The following DNAJC1 variants were observed in gnomAD, a reference collection of about 807,000 sequenced individuals.
The protein encoded by DNAJC1 is DnaJ heat shock protein family (Hsp40) member C1.
Under a neutral mutation model 76.6 loss-of-function variants are expected in DNAJC1, and 58 were observed. The ratio of observed to expected loss-of-function variants is 0.76; its 90% CI spans 0.61 to 0.94. The LOEUF is 0.94. Ranked by LOEUF, DNAJC1 falls within the 40% of genes least tolerant of loss-of-function variation. DNAJC1 has a pLI of 0.00. For missense variants in DNAJC1, 689 were observed against 677.3 expected (o/e 1.02, Z -0.19); for synonymous variants, 258 against 267.9 (o/e 0.96, Z 0.36).
intron 1 of DNAJC1, among the ~76,000 whole-genome samples, chr10:21,996,010 T>C (rs1290766620): frequency 6.6e-6 from 1 of 152,216 alleles, no homozygotes; most frequent in Non-Finnish European, 1.5e-5. Flanking sequence ...TATTTTTACA[T>C]TCATTAGTAT....
At chr10:21,995,037 G>A (rs2131850435) in intron 1 of DNAJC1, among the ~76,000 whole-genome samples, 1 of 151,254 alleles carries the variant, frequency 6.6e-6, no homozygotes, top group South Asian at 2.1e-4. Flanking sequence ...AACCTAAATA[G>A]TAATCTTATC....
At chr10:21,868,988 A>C (rs1836055842) in intron 8 of DNAJC1, among the ~76,000 whole-genome samples, 1 of 152,108 alleles carries the variant, frequency 6.6e-6, no homozygotes, top group African/African-American at 2.4e-5. Context: ...CAGGGCTTAA[A>C]GGAAATCAAA....
At chr10:21,814,202 A>C (rs1005336012) in intron 8 of DNAJC1, among the ~76,000 whole-genome samples, 1 of 152,154 alleles carries the variant, frequency 6.6e-6, no homozygotes, top group African/African-American at 2.4e-5. Context: ...TTTACTGTCT[A>C]TTAATAAGGA....
At chr10:21,975,908 G>GT (rs1287848877) in intron 1 of DNAJC1, among the ~76,000 whole-genome samples, 9 of 152,136 alleles carry the variant, frequency 5.9e-5, no homozygotes, top group South Asian at 4.2e-4. Flanking sequence ...TGGCCTAAAG[G>GT]TTTTTTTAAA....
chr10:21,978,593 T>C (rs766884743), intron 1 of DNAJC1, among the ~76,000 whole-genome samples: 1 of 152,108 alleles, frequency 6.6e-6, no homozygotes, highest in African/African-American at 2.4e-5. Context: ...ATTTCCTGTA[T>C]GTAAAAGGCA....
At chr10:21,813,231 T>TATATATATATATATACAC (rs1564794902) in intron 8 of DNAJC1, among the ~76,000 whole-genome samples, 3 of 131,868 alleles carry the variant, frequency 2.3e-5, no homozygotes, top group African/African-American at 9.3e-5. Flanking sequence ...TATATATATA[T>TATATATATATATATACAC]ATATATATAT....
At chr10:21,885,216 C>T (rs534514144) in intron 7 of DNAJC1, among the ~76,000 whole-genome samples, 3 of 151,586 alleles carry the variant, frequency 2.0e-5, no homozygotes, top group African/African-American at 7.2e-5. Context: ...GGGTTGCAAT[C>T]CTAATTTAAA....
chr10:21,991,826 G>T (rs891870217), intron 1 of DNAJC1, among the ~76,000 whole-genome samples: 1 of 152,112 alleles, frequency 6.6e-6, no homozygotes, highest in African/African-American at 2.4e-5. Context: ...TGAGTTACTG[G>T]AAAGTTTTGC....
At chr10:21,947,715 G>T (rs1348732351) in intron 1 of DNAJC1, among the ~76,000 whole-genome samples, 4 of 152,056 alleles carry the variant, frequency 2.6e-5, no homozygotes, top group Non-Finnish European at 5.9e-5. Flanking sequence ...ATTTGATACT[G>T]CATATCTTTT....
intron 1 of DNAJC1, among the ~76,000 whole-genome samples, chr10:21,964,514 A>G (rs1837855734): frequency 6.6e-6 from 1 of 152,150 alleles, no homozygotes; most frequent in Non-Finnish European, 1.5e-5. Context: ...GCCCAGATTC[A>G]AAATTTTAAT....
At chr10:21,800,975 T>C (rs1483467443) in intron 9 of DNAJC1, among the ~76,000 whole-genome samples, 1 of 152,110 alleles carries the variant, frequency 6.6e-6, no homozygotes, top group Non-Finnish European at 1.5e-5. Context: ...TAAAAACATA[T>C]AAGTATGGAA....
At chr10:21,881,828 A>G (rs806773) in intron 8 of DNAJC1, among the ~76,000 whole-genome samples, 1 of 145,636 alleles carries the variant, frequency 6.9e-6, no homozygotes, top group Non-Finnish European at 1.5e-5. Context: ...CAGGGCTGCC[A>G]CAAACCCTCA....
At chr10:21,918,381 T>TG (rs1324777805) in intron 6 of DNAJC1, among the ~76,000 whole-genome samples, 5 of 151,042 alleles carry the variant, frequency 3.3e-5, no homozygotes, top group South Asian at 2.1e-4. Flanking sequence ...TAAAGTTTTT[T>TG]TTTTTTTTTT....
intron 1 of DNAJC1, among the ~76,000 whole-genome samples, chr10:21,992,085 C>A (rs1334603188): frequency 6.6e-6 from 1 of 152,156 alleles, no homozygotes; most frequent in Non-Finnish European, 1.5e-5. Flanking sequence ...CCAAGGTTGG[C>A]GGATCGCCTG....
chr10:21,896,343 G>C (rs1379361462), intron 7 of DNAJC1, among the ~76,000 whole-genome samples: 1 of 152,182 alleles, frequency 6.6e-6, no homozygotes, highest in Non-Finnish European at 1.5e-5. Flanking sequence ...TCCTGTGTCT[G>C]GAAGATGAAA....
At chr10:21,790,612 A>G (rs1312223023) in intron 9 of DNAJC1, among the ~76,000 whole-genome samples, 1 of 152,124 alleles carries the variant, frequency 6.6e-6, no homozygotes. Flanking sequence ...AAGAGAATTC[A>G]TCACCACTAC....
rs1210757869 is a variant in DNAJC1, at chr10:22,003,219, C to T, written c.216G>A (p.Val72=). 1.3e-6 allele frequency: 2 copies of T among 1,555,288 alleles called. No individual in the cohort carries two copies. Among genetic ancestry groups the T allele is most frequent in the Non-Finnish European group, 8.7e-7 (1 of 1,151,830 alleles). ...VQLNFYQFLG[V]QQDASSADIR... is the part of the protein sequence containing the mutation. ...CGCGCGCCTCCTTGCTTACCTGCTGCACCCCGAGGAACTGGTAGAAGTTGA... is the reference window on the plus strand; with the variant it reads ...CGCGCGCCTCCTTGCTTACCTGCTGTACCCCGAGGAACTGGTAGAAGTTGA... The change falls in exon 1 of 12, where the codon GTG becomes GTA. Residue 72 remains valine, a synonymous_variant. Coordinates refer to ENST00000376980, the MANE Select transcript of DNAJC1 (RefSeq NM_022365.4).
At chr10:21,967,904 T>A (rs1837918132) in intron 1 of DNAJC1, among the ~76,000 whole-genome samples, 1 of 152,208 alleles carries the variant, frequency 6.6e-6, no homozygotes, top group African/African-American at 2.4e-5. Flanking sequence ...TCAGAGGCCA[T>A]ACCAACGTTC....
At chr10:21,823,697 C>T (rs1835195598) in intron 8 of DNAJC1, among the ~76,000 whole-genome samples, 1 of 149,428 alleles carries the variant, frequency 6.7e-6, no homozygotes, top group African/African-American at 2.5e-5. Context: ...TGTCTTGGGT[C>T]AGACATAAAA....
Sources: gnomAD v4.1 joint callset for allele counts (sites outside exome capture counted in the v4.1 genomes callset) on GRCh38, gnomAD v4.1.1 for gene constraint, MANE v1.5 for transcripts, NCBI Gene and HGNC (gene_info 2026-07-23, HGNC 2026-07-21) for gene names.